DIS3L2: variants seen among roughly 807,000 people sequenced by gnomAD.
The protein encoded by DIS3L2 is DIS3 like 3'-5' exoribonuclease 2, also known as DIS3-like exonuclease 2.
In DIS3L2, 34 loss-of-function variants were observed where a neutral mutation model predicts 97.5. That is an observed-to-expected ratio of 0.35 (90% CI 0.27 to 0.46). DIS3L2 has a LOEUF of 0.46. Among genes scored for constraint, DIS3L2 ranks in the 20% least tolerant of loss-of-function variants. DIS3L2 has a pLI of 1.00. For missense variants in DIS3L2, 1,038 were observed against 1,146.0 expected, an observed-to-expected ratio of 0.91 and a Z score of 1.36; for synonymous variants, 435 against 445.2, an observed-to-expected ratio of 0.98 and a Z score of 0.29.
intron 10 of DIS3L2, among the ~76,000 whole-genome samples, chr2:232,219,587 A>T (rs963193999): frequency 6.6e-6 from 1 of 151,816 alleles, no homozygotes; most frequent in African/African-American, 2.4e-5. Flanking sequence ...TCCATCTGTC[A>T]TGTCTCAGTG....
chr2:232,102,595 C>T (rs935610240), intron 6 of DIS3L2, among the ~76,000 whole-genome samples: 2 of 152,078 alleles, frequency 1.3e-5, no homozygotes, highest in East Asian at 3.9e-4. Flanking sequence ...TGCAAACACA[C>T]GTGCATATAC....
At chr2:231,999,734 C>T (rs1477365832) in intron 1 of DIS3L2, among the ~76,000 whole-genome samples, 2 of 152,092 alleles carry the variant, frequency 1.3e-5, no homozygotes, top group Non-Finnish European at 2.9e-5. Context: ...TACTGTACCC[C>T]ACAGTTACTT....
chr2:232,271,728 G>C (rs1254742868), intron 13 of DIS3L2, among the ~76,000 whole-genome samples: 2 of 152,196 alleles, frequency 1.3e-5, no homozygotes, highest in Non-Finnish European at 2.9e-5. Flanking sequence ...AGCCTCCGTG[G>C]AAGAGAGTGG....
At chr2:232,241,104 G>A (rs1189411835) in intron 11 of DIS3L2, among the ~76,000 whole-genome samples, 1 of 152,192 alleles carries the variant, frequency 6.6e-6, no homozygotes, top group Non-Finnish European at 1.5e-5. Context: ...CCGCAACCTT[G>A]GACAGCAGCA....
intron 16 of DIS3L2, 70 bp from the exon 17 acceptor site, chr2:232,333,770 T>C: frequency 7.0e-7 from 1 of 1,420,566 alleles, no homozygotes; most frequent in Non-Finnish European, 9.3e-7. Flanking sequence ...AGGCTGTGGG[T>C]GGTGCCAGCC....
At chr2:232,264,814 G>A (rs1385824937) in intron 13 of DIS3L2, among the ~76,000 whole-genome samples, 3 of 152,248 alleles carry the variant, frequency 2.0e-5, no homozygotes, top group African/African-American at 7.2e-5. Flanking sequence ...GGCCTAGGGA[G>A]AAGTGGCTGC....
At chr2:232,086,618 TATATATATATACAC>T (rs1286808723) in intron 5 of DIS3L2, among the ~76,000 whole-genome samples, 20 of 120,384 alleles carry the variant, frequency 1.7e-4, no homozygotes, top group South Asian at 2.5e-4. Flanking sequence ...TGTGTGTATA[TATATATATATACAC>T]ATATATATAT....
chr2:232,256,712 C>A (rs569461285), intron 12 of DIS3L2, among the ~76,000 whole-genome samples: 1 of 152,294 alleles, frequency 6.6e-6, no homozygotes, highest in Admixed American at 6.5e-5. Context: ...CTTTCCACAT[C>A]AAAATTTCTC....
Position 232,086,586 on chromosome 2 carries a change from AAT to A in DIS3L2, c.367-886_367-885del, listed in dbSNP as rs1207470520. ...TAGAAACTAAAGGCCTGAGCCTTTAAATATATATATATATATGTGTGTGTGTG... is the reference window on the plus strand; with the variant it reads ...TAGAAACTAAAGGCCTGAGCCTTTAAATATATATATATATGTGTGTGTGTG... On this transcript the variant is annotated intron_variant, in intron 5 of 20. Coordinates refer to ENST00000325385, the MANE Select transcript of DIS3L2 (RefSeq NM_152383.5). 4.3e-3 allele frequency among the ~76,000 whole-genome samples: 463 copies of A among 108,810 alleles called. 7 individuals carry two copies. The highest frequency in any genetic ancestry group is 0.016 in the African/African-American group (399 of 24,902). The allele number at this position is 108,810 out of a possible 152,430, so 71.4% of individuals were successfully genotyped here. A position where few individuals can be genotyped will look rare whatever the true frequency, so the allele number is the denominator to read the frequency against.
chr2:231,965,718 A>G (rs1574768767), intron 1 of DIS3L2, among the ~76,000 whole-genome samples: 1 of 152,226 alleles, frequency 6.6e-6, no homozygotes, highest in South Asian at 2.1e-4. Context: ...TACTCAAATA[A>G]TCACACAAAT....
intron 8 of DIS3L2, among the ~76,000 whole-genome samples, chr2:232,159,656 A>G (rs972582843): frequency 1.3e-5 from 2 of 152,032 alleles, no homozygotes; most frequent in Non-Finnish European, 2.9e-5. Flanking sequence ...CTCCAGTACA[A>G]TGTTAAATAG....
intron 15 of DIS3L2, 101 bp from the exon 16 acceptor site, chr2:232,330,589 C>A: frequency 2.4e-6 from 3 of 1,257,618 alleles, no homozygotes; most frequent in Non-Finnish European, 3.5e-6. Context: ...GGCAACTCCT[C>A]CCCCCAGAGC....
intron 6 of DIS3L2, among the ~76,000 whole-genome samples, chr2:232,098,331 C>T (rs115047424): frequency 0.033 from 4,932 of 151,064 alleles, 259 homozygotes; most frequent in African/African-American, 0.11. Flanking sequence ...TCTCTGCCAA[C>T]AGTTAGGATT....
In DIS3L2 at chr2:232,131,087, T is replaced by A. The variant is rs140564437; in HGVS notation, c.702+368T>A. On this transcript the variant is annotated intron_variant, in intron 7 of 20. Coordinates refer to ENST00000325385, the MANE Select transcript of DIS3L2 (RefSeq NM_152383.5). ...TAGACTCTCTTCAGATTTGTACAGT[T>A]TTTGCTCCAATTTTTTTGTTGTTAC... is the stretch of plus-strand genomic sequence containing the variant. The A allele has an allele frequency of 1.2e-4, 22 of 188,548 alleles. No homozygotes were observed. The East Asian group carries it at 2.5e-3, about 22-fold the overall frequency. 11.7% of individuals were successfully genotyped at this position (188,548 alleles called of 1,614,324 possible). A position where few individuals can be genotyped will look rare whatever the true frequency, so the allele number is the denominator to read the frequency against.
chr2:232,253,105 A>G (rs1260746922), intron 12 of DIS3L2, among the ~76,000 whole-genome samples: 1 of 152,194 alleles, frequency 6.6e-6, no homozygotes, highest in Non-Finnish European at 1.5e-5. Context: ...GCTTTTCCTC[A>G]AGACCACCAG....
chr2:232,254,456 T>C (rs1022928826), intron 12 of DIS3L2, among the ~76,000 whole-genome samples: 2 of 152,026 alleles, frequency 1.3e-5, no homozygotes, highest in Admixed American at 6.5e-5. Context: ...AGTAAAACTA[T>C]GAGTAATTTT....
chr2:232,149,343 C>A (rs1242149366), intron 8 of DIS3L2, among the ~76,000 whole-genome samples: 1 of 108,752 alleles, frequency 9.2e-6, no homozygotes, highest in Admixed American at 9.8e-5. Flanking sequence ...GCTATCCCTC[C>A]CCCCTCCCCC....
intron 5 of DIS3L2, among the ~76,000 whole-genome samples, chr2:232,070,058 G>A (rs1368311051): frequency 6.6e-6 from 1 of 152,172 alleles, no homozygotes; most frequent in Non-Finnish European, 1.5e-5. Context: ...TCAAAGAAAA[G>A]CAACCACCCA....
chr2:231,969,020 GC>G (rs1274314301), intron 1 of DIS3L2, among the ~76,000 whole-genome samples: 2 of 152,048 alleles, frequency 1.3e-5, no homozygotes, highest in Non-Finnish European at 2.9e-5. Flanking sequence ...TCTCTCACTT[GC>G]CTGCCGCCGC....
Sources: allele counts gnomAD v4.1 joint callset (sites outside exome capture counted in the v4.1 genomes callset), GRCh38; gene constraint gnomAD v4.1.1; transcripts MANE v1.5; gene names NCBI Gene and HGNC (gene_info 2026-07-23, HGNC 2026-07-21).